NPY1R: variants seen among roughly 807,000 people sequenced by gnomAD.
The protein encoded by NPY1R is neuropeptide Y receptor Y1, also known as neuropeptide Y receptor type 1.
A neutral mutation model predicts 24.1 loss-of-function variants in NPY1R; 10 were observed. The ratio of observed to expected loss-of-function variants is 0.42; its 90% CI spans 0.26 to 0.71. The LOEUF is 0.71. NPY1R is among the 30% of genes least tolerant of loss of function. The pLI, the probability that NPY1R is intolerant of heterozygous loss-of-function variation, is 0.28. For missense variants in NPY1R, 350 were observed against 458.0 expected, an observed-to-expected ratio of 0.76 and a Z score of 2.15; for synonymous variants, 168 against 165.9, an observed-to-expected ratio of 1.01 and a Z score of -0.10.
At chr4:163,331,660 T>C (rs11100489) in intron 1 of NPY1R, among the ~76,000 whole-genome samples, 130,290 of 152,158 alleles carry the variant, frequency 0.86, 56,379 homozygotes, top group East Asian at 0.99. Context: ...AAAACATTCT[T>C]ATCTCTCCAG....
chr4:163,326,576 A>T lies in NPY1R; in HGVS notation c.-22T>A. On this transcript the variant is annotated 5_prime_UTR_variant, in exon 2 of 3. Coordinates refer to ENST00000296533, the MANE Select transcript of NPY1R (RefSeq NM_000909.6). ...TCATTTTGATTGGTTTGGTTGTTAT[A>T]GATTATTTTAGACAAATGGACAGTA... 1 of 1,443,920 alleles carries T rather than the reference A, an allele frequency of 6.9e-7. No individual in the cohort carries two copies. The highest frequency in any genetic ancestry group is 9.6e-7 in the Non-Finnish European group (1 of 1,046,324). The allele number at this position is 1,443,920 out of a possible 1,614,324, so 89.4% of individuals were successfully genotyped here. A position where few individuals can be genotyped will look rare whatever the true frequency, so the allele number is the denominator to read the frequency against.
chr4:163,343,577 A>G (rs537902886), intron 1 of NPY1R, among the ~76,000 whole-genome samples: 2 of 152,044 alleles, frequency 1.3e-5, no homozygotes, highest in Admixed American at 6.5e-5. Context: ...GGGCACAGCC[A>G]TCCTCACACC....
chr4:163,343,016 ACACG>A (rs1327011958), intron 1 of NPY1R, among the ~76,000 whole-genome samples: 29 of 136,382 alleles, frequency 2.1e-4, no homozygotes, highest in East Asian at 1.5e-3. Context: ...ACACACACAC[ACACG>A]CGCGCGCGCC....
chr4:163,328,389 G>A (rs901538169), intron 1 of NPY1R, among the ~76,000 whole-genome samples: 2 of 152,088 alleles, frequency 1.3e-5, no homozygotes, highest in Admixed American at 1.3e-4. Flanking sequence ...CAAATTATTT[G>A]GAAATCTCTT....
upstream of NPY1R, chr4:163,333,067 C>T (rs1473855340): frequency 6.6e-6 from 1 of 152,172 alleles, no homozygotes. Flanking sequence ...AAATAACTCT[C>T]ACGCCAGTGC....
At position 163,331,994 on chromosome 4, in the gene NPY1R, C is replaced by G. The variant is rs949613057; in HGVS notation, c.-152+488G>C. 7.2e-5 allele frequency among the ~76,000 whole-genome samples: 11 copies of G among 152,198 alleles called. No individual in the cohort carries two copies. In the East Asian group the frequency reaches 7.7e-4, roughly 11 times the overall value. ...CCAGCCCGACACCTGCCGCGGGACC[C>G]GTGCGACGCTGGGCGACGCGCCAAG... On this transcript the variant is annotated intron_variant, in intron 1 of 2. Transcript: ENST00000296533.
At position 163,325,112 on chromosome 4, in the gene NPY1R, A is replaced by G. The variant is rs1014490356; in HGVS notation, c.*191T>C. On this transcript the variant is annotated 3_prime_UTR_variant, in exon 3 of 3. Coordinates refer to ENST00000296533, the MANE Select transcript of NPY1R (RefSeq NM_000909.6). ...CAAAACTATTTCCAGAAGACCCCAA[A>G]GCCCACACCTTTTGTTCCAAATGTA... 7 of 570,158 alleles carry G rather than the reference A, an allele frequency of 1.2e-5. No homozygotes were observed. The highest frequency in any genetic ancestry group is 1.1e-4 in the African/African-American group (6 of 53,390). The allele number at this position is 570,158 out of a possible 1,614,324, so 35.3% of individuals were successfully genotyped here.
upstream of NPY1R, among the ~76,000 whole-genome samples, chr4:163,333,794 G>A (rs1734784317): frequency 6.6e-6 from 1 of 152,144 alleles, no homozygotes; most frequent in African/African-American, 2.4e-5. Context: ...ACAATCTCTG[G>A]ATGTTTTTCC....
upstream of NPY1R, among the ~76,000 whole-genome samples, chr4:163,335,768 A>G (rs539899696): frequency 3.9e-4 from 59 of 152,232 alleles, no homozygotes; most frequent in South Asian, 0.011. Flanking sequence ...TGGATCTTTG[A>G]CGCCCAAGAA....
Position 163,326,191 on chromosome 4 carries a change from C to T in NPY1R, c.364G>A (p.Val122Ile). The T allele has an allele frequency of 3.1e-6, 5 of 1,614,118 alleles. No homozygotes were observed. The highest frequency in any genetic ancestry group is 3.4e-6 in the Non-Finnish European group (4 of 1,179,986). ...MCKLNPFVQC[V>I]SITVSIFSLV... is the part of the protein sequence containing the mutation. ...GAGAAAATGGACACAGTGATTGAAACACATTGCACAAAAGGATTCAACTTA... is the reference window on the plus strand; with the variant it reads ...GAGAAAATGGACACAGTGATTGAAATACATTGCACAAAAGGATTCAACTTA... Residue 122 changes from valine (V) to isoleucine (I), a missense_variant, in exon 2 of 3, where the codon GTT becomes ATT. Transcript: ENST00000296533.
At chr4:163,334,596 T>G (rs1045643691), upstream of NPY1R, among the ~76,000 whole-genome samples, 5 of 152,170 alleles carry the variant, frequency 3.3e-5, no homozygotes, top group African/African-American at 1.2e-4. Flanking sequence ...GGGCGGTGGC[T>G]CACGCCTGTA....
chr4:163,342,506 G>A (rs1287897993), intron 1 of NPY1R, among the ~76,000 whole-genome samples: 1 of 152,138 alleles, frequency 6.6e-6, no homozygotes, highest in African/African-American at 2.4e-5. Flanking sequence ...AGAATCCCAG[G>A]TGCCTGCTCA....
At chr4:163,338,722 A>C (rs921860987) in intron 1 of NPY1R, among the ~76,000 whole-genome samples, 1 of 152,074 alleles carries the variant, frequency 6.6e-6, no homozygotes, top group Non-Finnish European at 1.5e-5. Flanking sequence ...CATTCTTAAC[A>C]CACAAATACA....
chr4:163,335,035 T>G (rs1222898377), upstream of NPY1R, among the ~76,000 whole-genome samples: 5 of 152,278 alleles, frequency 3.3e-5, no homozygotes, highest in African/African-American at 1.2e-4. Context: ...ATTTAAAATA[T>G]GCAAAGTAGT....
At chr4:163,331,428 CT>C (rs1339731853) in intron 1 of NPY1R, among the ~76,000 whole-genome samples, 2 of 152,052 alleles carry the variant, frequency 1.3e-5, no homozygotes, top group Non-Finnish European at 2.9e-5. Context: ...ACCCACCCAC[CT>C]TTTTCATATT....
At chr4:163,344,001 G>C (rs1475147630) in intron 1 of NPY1R, 1 of 152,514 alleles carries the variant, frequency 6.6e-6, no homozygotes, top group Admixed American at 6.5e-5. Flanking sequence ...GCGCCCCGAG[G>C]TACGGGCTCC....
At chr4:163,334,196 T>C (rs994780790), upstream of NPY1R, among the ~76,000 whole-genome samples, 2 of 152,236 alleles carry the variant, frequency 1.3e-5, no homozygotes, top group African/African-American at 2.4e-5. Flanking sequence ...GATCATCAAA[T>C]TGGCTATCTT....
At chr4:163,338,696 A>C (rs574745052) in intron 1 of NPY1R, among the ~76,000 whole-genome samples, 41 of 152,152 alleles carry the variant, frequency 2.7e-4, no homozygotes, top group Admixed American at 2.6e-3. Context: ...TCCCAATCTT[A>C]ATCTTCTCCT....
Position 163,325,943 on chromosome 4 carries a change from C to T in NPY1R, c.612G>A (p.Ser204=), listed in dbSNP as rs772998084. Residue 204 remains serine, a synonymous_variant, in exon 2 of 3, where the codon TCG becomes TCA. Coordinates refer to ENST00000296533, the MANE Select transcript of NPY1R (RefSeq NM_000909.6). The stretch of plus-strand genomic sequence containing the variant: ...TGGTATAAGACAACCTATGAGAGTC[C>T]GATGGAAATTGATCAAAGCACACGT... ...DKYVCFDQFP[S]DSHRLSYTTL... is the part of the protein sequence containing the mutation. 26 of 1,613,786 alleles carry T rather than the reference C, an allele frequency of 1.6e-5. No individual in the cohort carries two copies. The highest frequency in any genetic ancestry group is 1.6e-4 in the Middle Eastern group (1 of 6,084).
Sources: allele counts gnomAD v4.1 joint callset (sites outside exome capture counted in the v4.1 genomes callset), GRCh38; gene constraint gnomAD v4.1.1; transcripts MANE v1.5; gene names NCBI Gene and HGNC (gene_info 2026-07-23, HGNC 2026-07-21).